Variants in MAP2K7 observed in about 807,000 individuals in gnomAD.
MAP2K7 encodes mitogen-activated protein kinase kinase 7.
A neutral mutation model predicts 47.7 loss-of-function variants in MAP2K7; 12 were observed. The ratio of observed to expected loss-of-function variants is 0.25; its 90% CI spans 0.16 to 0.41. The LOEUF is 0.41. MAP2K7 is among the 10% of genes least tolerant of loss of function. The pLI, the probability that MAP2K7 is intolerant of heterozygous loss-of-function variation, is 1.00. For missense variants in MAP2K7, 415 were observed against 600.3 expected (o/e 0.69, Z 3.23); for synonymous variants, 299 against 243.0 (o/e 1.23, Z -2.14).
Position 7,909,839 on chromosome 19 carries a change from G to A in MAP2K7, c.209G>A (p.Arg70Gln), listed in dbSNP as rs1439065076. Residue 70 changes from arginine (R) to glutamine (Q), a missense_variant, in exon 2 of 11, where the codon CGG (arginine) becomes CAG (glutamine). Physicochemically the swap from Arg to Gln is conservative, Grantham distance 43. This residue lies in a region of MAP2K7 where 115 missense variants were observed against 126.2 expected (regional missense o/e 0.91). Transcript: ENST00000397979. ...CCGCAGCACCCCACGCCCCCCGCCC[G>A]GCCCCGCCACATGCTGGGGCTCCCG... is the stretch of plus-strand genomic sequence containing the variant. ...SSPQHPTPPA[R>Q]PRHMLGLPST... The A allele has an allele frequency of 6.5e-6, 10 of 1,539,608 alleles. No homozygotes were observed. Among genetic ancestry groups the A allele is most frequent in the East Asian group, 4.9e-5 (2 of 40,738 alleles).
intron 1 of MAP2K7, chr19:7,905,694 C>T (rs376291397): frequency 1.3e-5 from 12 of 902,804 alleles, no homozygotes; most frequent in Middle Eastern, 2.2e-4. Flanking sequence ...CTCTGCAGTT[C>T]GGTGCCTCCC....
In MAP2K7 at chr19:7,909,524, C is replaced by T. The variant is rs1472825930; in HGVS notation, c.125-231C>T. The stretch of plus-strand genomic sequence containing the variant: ...GGGCTCCCTCTCCCCTGCTAGCCTC[C>T]TCCATCTCTTTCCAGGTCAGGGGAT... On this transcript the variant is annotated intron_variant, in intron 1 of 10. Transcript: ENST00000397979. Among the ~76,000 whole-genome samples, 6 of 152,340 alleles carry T rather than the reference C, an allele frequency of 3.9e-5. No homozygotes were observed. The South Asian group carries it at 6.2e-4, about 16-fold the overall frequency.
At chr19:7,909,700 C>G in intron 1 of MAP2K7, 55 bp from the exon 2 acceptor site, 4 of 1,187,508 alleles carry the variant, frequency 3.4e-6, no homozygotes, top group Non-Finnish European at 4.7e-6. Flanking sequence ...AGATGTGGAG[C>G]TGACACCAGC....
chr19:7,905,720 T>C (rs1199220977), intron 1 of MAP2K7: 22 of 1,189,788 alleles, frequency 1.8e-5, no homozygotes, highest in Non-Finnish European at 2.0e-5. Flanking sequence ...TCCTCGTTTA[T>C]GATTTGATTT....
intron 2 of MAP2K7, 46 bp from the exon 3 acceptor site, chr19:7,910,017 C>G: frequency 1.3e-6 from 2 of 1,549,096 alleles, no homozygotes; most frequent in Non-Finnish European, 1.7e-6. Flanking sequence ...GGTGGCCAAC[C>G]TAAGGTCAGG....
At chr19:7,904,642 G>C (rs541782390) in intron 1 of MAP2K7, 1 of 164,688 alleles carries the variant, frequency 6.1e-6, no homozygotes, top group Non-Finnish European at 1.4e-5. Context: ...TGGGGGGACG[G>C]GAGGGGGTCC....
At position 7,905,882 on chromosome 19, in the gene MAP2K7, T is replaced by C. The variant is rs190487154; in HGVS notation, c.124+1814T>C. 403 of 1,609,926 alleles carry C rather than the reference T, an allele frequency of 2.5e-4. 1 individual carries two copies. The African/African-American group carries it at 4.6e-3, about 18-fold the overall frequency. ...TACCAGCCTTTTTATCATCGCTGCT[T>C]GGACATCTGCACCATTGACCTAACC... On this transcript the variant is annotated intron_variant, in intron 1 of 10. Transcript: ENST00000397979.
In MAP2K7 at chr19:7,911,978, G is replaced by A. The variant is rs373909658; in HGVS notation, c.1080-171G>A. Among the ~76,000 whole-genome samples the A allele has an allele frequency of 2.3e-4, 35 of 152,278 alleles. No individual in the cohort carries two copies. In the East Asian group the frequency reaches 6.6e-3, roughly 29 times the overall value. On this transcript the variant is annotated intron_variant, in intron 9 of 10. Coordinates refer to ENST00000397979, the MANE Select transcript of MAP2K7 (RefSeq NM_145185.4). ...CTGGCCCTAGGCCAGGAGGCTCCGG[G>A]ACTCACAGTTGCTCCCCGCTGTCAG... is the stretch of plus-strand genomic sequence containing the variant.
At chr19:7,910,417 C>G in intron 4 of MAP2K7, 36 bp from the exon 5 acceptor site, 1 of 1,602,866 alleles carries the variant, frequency 6.2e-7, no homozygotes, top group Non-Finnish European at 8.5e-7. Flanking sequence ...CACCCCAGGC[C>G]GGTGCTGAGG....
rs1014318481 is a variant in MAP2K7, at chr19:7,913,064, C to G, written c.*633C>G. On this transcript the variant is annotated 3_prime_UTR_variant, in exon 11 of 11. Coordinates refer to ENST00000397979, the MANE Select transcript of MAP2K7 (RefSeq NM_145185.4). ...TCGCGCTCTCTCTCTCTCTCTCTCT[C>G]TCTCTTTGATCTCAGGGGGTCCTTT... 1 of 152,862 alleles carries G rather than the reference C, an allele frequency of 6.5e-6. No individual in the cohort carries two copies. Among genetic ancestry groups the G allele is most frequent in the Non-Finnish European group, 1.5e-5 (1 of 68,428 alleles). The allele number at this position is 152,862 out of a possible 1,614,324, so 9.5% of individuals were successfully genotyped here.
At position 7,911,445 on chromosome 19, in the gene MAP2K7, G is replaced by A; in HGVS notation, c.946G>A (p.Ala316Thr). 1 of 1,613,434 alleles carries A rather than the reference G, an allele frequency of 6.2e-7. No individual in the cohort carries two copies. Among genetic ancestry groups the A allele is most frequent in the Non-Finnish European group, 8.5e-7 (1 of 1,179,916 alleles). The change falls in exon 9 of 11, where the codon GCA (alanine) becomes ACA (threonine). Residue 316 changes from alanine to threonine, a missense_variant. Physicochemically the swap from Ala to Thr is moderately conservative, Grantham distance 58 (BLOSUM62 0). Around this residue, in one of 3 missense-constraint regions of MAP2K7, gnomAD observed 206 missense variants for 368.8 expected, o/e 0.56. Transcript: ENST00000397979. ...CCCGTCTCCCTCCCAGGTGGAGCTGGCAACAGGACAGTTTCCCTACAAGAA... is the reference window on the plus strand; with the variant it reads ...CCCGTCTCCCTCCCAGGTGGAGCTGACAACAGGACAGTTTCCCTACAAGAA... ...WSLGISLVEL[A>T]TGQFPYKNCK...
At chr19:7,904,521 G>A in intron 1 of MAP2K7, 1 of 278,742 alleles carries the variant, frequency 3.6e-6, no homozygotes, top group Non-Finnish European at 7.3e-6. Flanking sequence ...CTACGCACAC[G>A]CGCACGCCTG....
rs376453288 is a variant in MAP2K7, at chr19:7,912,210, C to T, written c.1125+16C>T. The T allele has an allele frequency of 6.8e-6, 11 of 1,613,914 alleles. No homozygotes were observed. The African/African-American group carries it at 1.2e-4, about 18-fold the overall frequency. On this transcript the variant is annotated intron_variant, in intron 10 of 10. Transcript: ENST00000397979. ...TAAGCTACTTGTGAGTACCTGAGCC[C>T]TCCCAGTCCCCGTCCTGTCCCTGCG...
chr19:7,908,892 C>CTGTT (rs1206500757), intron 1 of MAP2K7, among the ~76,000 whole-genome samples: 1 of 152,152 alleles, frequency 6.6e-6, no homozygotes, highest in Admixed American at 6.5e-5. Context: ...GTCTGTCTGT[C>CTGTT]TGTCTCCTGC....
intron 9 of MAP2K7, 87 bp downstream of exon 9, chr19:7,911,665 C>G: frequency 2.2e-6 from 3 of 1,354,090 alleles, no homozygotes; most frequent in Non-Finnish European, 2.0e-6. Context: ...GAATGGAGGC[C>G]GCACCCTGGG....
At position 7,913,627 on chromosome 19, in the gene MAP2K7, G is replaced by A. The variant is rs1983084868; in HGVS notation, c.*1196G>A. The A allele has an allele frequency of 1.3e-5, 2 of 152,098 alleles. No homozygotes were observed. The highest frequency in any genetic ancestry group is 2.9e-5 in the Non-Finnish European group (2 of 68,004). The allele number at this position is 152,098 out of a possible 1,614,324, so 9.4% of individuals were successfully genotyped here. ...CACGTTGAGGTCCAGGACTGGGAAG[G>A]ACCGGGTGAGTGCACCGGGGACCCA... On this transcript the variant is annotated 3_prime_UTR_variant, in exon 11 of 11. Coordinates refer to ENST00000397979, the MANE Select transcript of MAP2K7 (RefSeq NM_145185.4).
At position 7,912,284 on chromosome 19, in the gene MAP2K7, C is replaced by T. The variant is rs755367583; in HGVS notation, c.1126-13C>T. 8 of 1,613,680 alleles carry T rather than the reference C, an allele frequency of 5.0e-6. No individual in the cohort carries two copies. The highest frequency in any genetic ancestry group is 6.8e-6 in the Non-Finnish European group (8 of 1,179,892). ...ACCGTCTCCTCCTAAGCCCCACCCC[C>T]TCGGGCCCACAGGAACACAGCTTCA... On this transcript the variant is annotated splice_polypyrimidine_tract_variant and intron_variant, in intron 10 of 10. Transcript: ENST00000397979.
At position 7,911,504 on chromosome 19, in the gene MAP2K7, C is replaced by T. The variant is rs776808927; in HGVS notation, c.1005C>T (p.Val335=). 2 of 1,613,260 alleles carry T rather than the reference C, an allele frequency of 1.2e-6. No homozygotes were observed. Among genetic ancestry groups the T allele is most frequent in the South Asian group, 1.1e-5 (1 of 91,062 alleles). The change falls in exon 9 of 11, where the codon GTC becomes GTT. Residue 335 remains valine, a synonymous_variant. Transcript: ENST00000397979. ...CKTDFEVLTK[V]LQEEPPLLPG... is the part of the protein sequence containing the mutation. ...CGGACTTTGAGGTCCTCACCAAAGT[C>T]CTACAGGAAGAGCCCCCGCTTCTGC...
Position 7,912,644 on chromosome 19 carries a change from G to A in MAP2K7, c.*213G>A, listed in dbSNP as rs1001117499. The A allele has an allele frequency of 2.2e-5, 13 of 600,682 alleles. No individual in the cohort carries two copies. Among genetic ancestry groups the A allele is most frequent in the South Asian group, 6.0e-5 (3 of 50,116 alleles). 37.2% of individuals were successfully genotyped at this position (600,682 alleles called of 1,614,324 possible). A position where few individuals can be genotyped will look rare whatever the true frequency, so the allele number is the denominator to read the frequency against. On this transcript the variant is annotated 3_prime_UTR_variant, in exon 11 of 11. Transcript: ENST00000397979. ...ACCCCGGGGTCAGCCGGCCGTGTGC[G>A]TCCCCCGACAGACACTGTGAACGGA...
Sources: gnomAD v4.1 joint callset for allele counts (sites outside exome capture counted in the v4.1 genomes callset) on GRCh38, gnomAD v4.1.1 for gene constraint, gnomAD v4.1.1 regional missense constraint, MANE v1.5 for transcripts, NCBI Gene and HGNC (gene_info 2026-07-23, HGNC 2026-07-21) for gene names.